ARIH1: variants seen among roughly 807,000 people sequenced by gnomAD.
The protein encoded by ARIH1 is E3 ubiquitin-protein ligase ARIH1.
Under a neutral mutation model 85.0 loss-of-function variants are expected in ARIH1, and 8 were observed. That is an observed-to-expected ratio of 0.09 (90% CI 0.06 to 0.17). The LOEUF (loss-of-function observed/expected upper bound fraction) is 0.17, where lower values mean the gene tolerates loss of function less well. Among genes scored for constraint, ARIH1 ranks in the 10% least tolerant of loss-of-function variants. ARIH1 has a pLI of 1.00. For missense variants in ARIH1, 311 were observed against 718.1 expected (o/e 0.43, Z 6.48); for synonymous variants, 238 against 253.6 (o/e 0.94, Z 0.59).
At chr15:72,571,452 G>A (rs922929942) in intron 10 of ARIH1, among the ~76,000 whole-genome samples, 2 of 152,190 alleles carry the variant, frequency 1.3e-5, no homozygotes, top group South Asian at 2.1e-4. Flanking sequence ...CATAACTGAT[G>A]TATAGTAACC....
intron 5 of ARIH1, 48 bp downstream of exon 5, chr15:72,555,955 A>T (rs201743443): frequency 6.6e-7 from 1 of 1,517,856 alleles, no homozygotes; most frequent in East Asian, 2.3e-5. Flanking sequence ...TTAGTTGGTT[A>T]AACCAAATTA....
chr15:72,560,336 G>A, intron 5 of ARIH1, among the ~76,000 whole-genome samples: 1 of 152,146 alleles, frequency 6.6e-6, no homozygotes, highest in East Asian at 1.9e-4. Flanking sequence ...CTCAGGAAAG[G>A]CTTCCTTGAG....
Position 72,583,351 on chromosome 15 carries a change from T to G in ARIH1, c.*59T>G. The G allele has an allele frequency of 7.1e-7, 1 of 1,402,752 alleles. No individual in the cohort carries two copies. The highest frequency in any genetic ancestry group is 1.0e-6 in the Non-Finnish European group (1 of 998,436). 86.9% of individuals were successfully genotyped at this position (1,402,752 alleles called of 1,614,324 possible). Reference sequence around the variant, plus strand: ...TTACCATCTAGAGTGCTCATGCAATTAAAACAAAACAAACACAAACAAGGA... The same window carrying G: ...TTACCATCTAGAGTGCTCATGCAATGAAAACAAAACAAACACAAACAAGGA... On this transcript the variant is annotated 3_prime_UTR_variant, in exon 14 of 14. Coordinates refer to ENST00000379887, the MANE Select transcript of ARIH1 (RefSeq NM_005744.5).
chr15:72,489,233 G>GT (rs2063849039), intron 1 of ARIH1, among the ~76,000 whole-genome samples: 1 of 118,178 alleles, frequency 8.5e-6, no homozygotes, highest in South Asian at 3.5e-4. Context: ...AGGCAACAGG[G>GT]TGAGACCATG....
At chr15:72,574,824 G>A (rs1371254926) in intron 11 of ARIH1, among the ~76,000 whole-genome samples, 3 of 151,926 alleles carry the variant, frequency 2.0e-5, no homozygotes, top group Admixed American at 2.0e-4. Flanking sequence ...TAATGTTAGT[G>A]CTTTGGGAGG....
chr15:72,528,085 G>A (rs1443942992), intron 2 of ARIH1, among the ~76,000 whole-genome samples: 2 of 151,966 alleles, frequency 1.3e-5, no homozygotes, highest in Non-Finnish European at 2.9e-5. Flanking sequence ...AAAAAAAAAA[G>A]TGTCTTTCTT....
At chr15:72,548,030 C>T (rs2064137341) in intron 3 of ARIH1, among the ~76,000 whole-genome samples, 1 of 152,184 alleles carries the variant, frequency 6.6e-6, no homozygotes, top group South Asian at 2.1e-4. Flanking sequence ...ATTCATTGAA[C>T]ACACTAGGCA....
At chr15:72,578,460 T>C (rs886181365) in intron 11 of ARIH1, among the ~76,000 whole-genome samples, 3 of 152,152 alleles carry the variant, frequency 2.0e-5, no homozygotes, top group African/African-American at 7.2e-5. Context: ...CCATATACGG[T>C]CTGTAAGAGT....
chr15:72,481,815 C>T (rs1448392729), intron 1 of ARIH1, among the ~76,000 whole-genome samples: 6 of 152,110 alleles, frequency 3.9e-5, no homozygotes, highest in Non-Finnish European at 8.8e-5. Flanking sequence ...CTAAGGTGGT[C>T]TTTACTCAGT....
intron 3 of ARIH1, 63 bp downstream of exon 3, chr15:72,545,027 A>G (rs746306589): frequency 2.0e-5 from 28 of 1,424,542 alleles, no homozygotes; most frequent in South Asian, 3.3e-5. Context: ...ATCAACTTCC[A>G]TTATTTAAAC....
chr15:72,529,725 A>T (rs1233748478), intron 2 of ARIH1, among the ~76,000 whole-genome samples: 4 of 152,150 alleles, frequency 2.6e-5, no homozygotes, highest in Non-Finnish European at 5.9e-5. Context: ...GGCAGAAGTG[A>T]TATGGGAACC....
In ARIH1 at chr15:72,563,366, AT is replaced by A. The variant is rs571861935; in HGVS notation, c.805-22del. 7.1e-5 allele frequency: 113 copies of A among 1,594,906 alleles called. 1 individual carries two copies. In the South Asian group the frequency reaches 1.2e-3, roughly 17 times the overall value. On this transcript the variant is annotated intron_variant, in intron 6 of 13. Coordinates refer to ENST00000379887, the MANE Select transcript of ARIH1 (RefSeq NM_005744.5). ...GAGCCACTGTGCCCAGCCAGCTGTC[AT>A]TTTTTATTTTCTAACTTGTATTTCA...
At chr15:72,573,763 C>T (rs577743957) in intron 11 of ARIH1, among the ~76,000 whole-genome samples, 2 of 152,032 alleles carry the variant, frequency 1.3e-5, no homozygotes, top group East Asian at 3.9e-4. Flanking sequence ...CACAATTCTA[C>T]AGCCAAACCA....
intron 12 of ARIH1, among the ~76,000 whole-genome samples, 192 bp downstream of exon 12, chr15:72,581,183 C>A (rs937561296): frequency 6.6e-6 from 1 of 152,112 alleles, no homozygotes; most frequent in African/African-American, 2.4e-5. Flanking sequence ...TGTGGTTTAG[C>A]CAGCTAGTGA....
At chr15:72,567,298 TC>T in intron 9 of ARIH1, 121 bp downstream of exon 9, 5 of 708,532 alleles carry the variant, frequency 7.1e-6, no homozygotes, top group East Asian at 5.7e-5. Context: ...CTCCATTGAG[TC>T]TTTTTTTTTT....
chr15:72,511,884 G>A (rs2063952212), intron 1 of ARIH1, among the ~76,000 whole-genome samples: 1 of 152,074 alleles, frequency 6.6e-6, no homozygotes, highest in Non-Finnish European at 1.5e-5. Flanking sequence ...GATTTTTATA[G>A]TAGTGGATGT....
At chr15:72,511,525 G>C (rs2063950493) in intron 1 of ARIH1, among the ~76,000 whole-genome samples, 1 of 151,922 alleles carries the variant, frequency 6.6e-6, no homozygotes, top group African/African-American at 2.4e-5. Flanking sequence ...GGCTGGTCTT[G>C]AACTCCTCAC....
intron 2 of ARIH1, among the ~76,000 whole-genome samples, chr15:72,524,111 G>A (rs1189485137): frequency 1.3e-5 from 2 of 151,108 alleles, no homozygotes; most frequent in Non-Finnish European, 3.0e-5. Context: ...CATGCCTGGC[G>A]AATTTTTTTG....
chr15:72,517,283 TAA>T (rs1567344532), intron 1 of ARIH1, among the ~76,000 whole-genome samples: 1 of 152,162 alleles, frequency 6.6e-6, no homozygotes, highest in Non-Finnish European at 1.5e-5. Context: ...ATTATTTTTT[TAA>T]AAGAGACTGG....
Sources: allele counts gnomAD v4.1 joint callset (sites outside exome capture counted in the v4.1 genomes callset), GRCh38; gene constraint gnomAD v4.1.1; transcripts MANE v1.5; gene names NCBI Gene and HGNC (gene_info 2026-07-23, HGNC 2026-07-21).